Variants in CNTNAP2 observed in about 807,000 individuals in gnomAD.
CNTNAP2 encodes the protein contactin associated protein 2, also known as contactin-associated protein-like 2.
Under a neutral mutation model 155.2 loss-of-function variants are expected in CNTNAP2, and 98 were observed. The observed-to-expected ratio is 0.63, with a 90% CI of 0.54 to 0.75. CNTNAP2 has a LOEUF of 0.75. Ranked by LOEUF, CNTNAP2 falls within the 30% of genes least tolerant of loss-of-function variation. The pLI, the probability that CNTNAP2 is intolerant of heterozygous loss-of-function variation, is 0.00. For missense variants in CNTNAP2, 1,727 were observed against 1,688.1 expected (o/e 1.02, Z -0.40); for synonymous variants, 651 against 631.2 (o/e 1.03, Z -0.47).
At chr7:146,465,724 G>A (rs1796707521) in intron 1 of CNTNAP2, among the ~76,000 whole-genome samples, 1 of 152,146 alleles carries the variant, frequency 6.6e-6, no homozygotes, top group South Asian at 2.1e-4. Flanking sequence ...CAGAGTACTA[G>A]AGATTGATAC....
chr7:146,652,547 C>G (rs905493936), intron 1 of CNTNAP2, among the ~76,000 whole-genome samples: 4 of 152,076 alleles, frequency 2.6e-5, no homozygotes, highest in African/African-American at 9.7e-5. Context: ...ACCCCTTTAA[C>G]AATCTTTTTA....
At chr7:146,404,304 G>A (rs1795759421) in intron 1 of CNTNAP2, among the ~76,000 whole-genome samples, 1 of 152,260 alleles carries the variant, frequency 6.6e-6, no homozygotes, top group Admixed American at 6.5e-5. Flanking sequence ...AGAGAAGCCA[G>A]TAGCAGATGG....
Position 148,267,163 on chromosome 7 carries a change from C to T in CNTNAP2, c.3475+37C>T, listed in dbSNP as rs77190226. 860 of 1,530,410 alleles carry T rather than the reference C, an allele frequency of 5.6e-4. 12 individuals carry two copies. In the East Asian group the frequency reaches 0.018, roughly 32 times the overall value. 94.8% of individuals were successfully genotyped at this position (1,530,410 alleles called of 1,614,324 possible). A position where few individuals can be genotyped will look rare whatever the true frequency, so the allele number is the denominator to read the frequency against. ...GTTCGTTAGGTATAAATGCGTGCTA[C>T]AAATACATTTGGGTAATGTGAGTTT... On this transcript the variant is annotated intron_variant, in intron 21 of 23. Transcript: ENST00000361727.
chr7:147,190,529 A>G (rs559564595), intron 8 of CNTNAP2, among the ~76,000 whole-genome samples: 1 of 152,200 alleles, frequency 6.6e-6, no homozygotes, highest in South Asian at 2.1e-4. Flanking sequence ...TCTTTGGGTC[A>G]TTGTCACACA....
At chr7:147,679,062 A>G (rs1563050331) in intron 13 of CNTNAP2, among the ~76,000 whole-genome samples, 1 of 151,980 alleles carries the variant, frequency 6.6e-6, no homozygotes, top group Admixed American at 6.6e-5. Flanking sequence ...AATCTGTGGT[A>G]TGTTTATTGT....
At chr7:148,020,295 C>A (rs879889409) in intron 15 of CNTNAP2, among the ~76,000 whole-genome samples, 1 of 152,190 alleles carries the variant, frequency 6.6e-6, no homozygotes, top group African/African-American at 2.4e-5. Flanking sequence ...AAAGTTTTAT[C>A]TTCTATACTG....
At chr7:147,552,720 C>T (rs1027012698) in intron 11 of CNTNAP2, among the ~76,000 whole-genome samples, 3 of 152,108 alleles carry the variant, frequency 2.0e-5, no homozygotes, top group African/African-American at 7.2e-5. Flanking sequence ...ACGCCTTCTT[C>T]CTCCATAATA....
At chr7:147,721,092 G>A (rs1796560305) in intron 13 of CNTNAP2, among the ~76,000 whole-genome samples, 1 of 152,072 alleles carries the variant, frequency 6.6e-6, no homozygotes, top group South Asian at 2.1e-4. Context: ...ATACACCTAA[G>A]ACATAGTGTC....
chr7:147,272,095 G>A (rs1804765700), intron 8 of CNTNAP2, among the ~76,000 whole-genome samples: 1 of 152,106 alleles, frequency 6.6e-6, no homozygotes, highest in African/African-American at 2.4e-5. Flanking sequence ...GTCTCACCAT[G>A]TTGGCCAGGC....
chr7:146,152,475 C>A (rs1798066638), intron 1 of CNTNAP2, among the ~76,000 whole-genome samples: 1 of 151,954 alleles, frequency 6.6e-6, no homozygotes, highest in South Asian at 2.1e-4. Context: ...CTATAGTTAA[C>A]AATATATTGC....
intron 21 of CNTNAP2, among the ~76,000 whole-genome samples, chr7:148,284,220 T>C (rs1034806031): frequency 6.7e-6 from 1 of 149,578 alleles, no homozygotes; most frequent in Non-Finnish European, 1.5e-5. Context: ...GCTCCCATAA[T>C]TCCCACTTGT....
chr7:147,980,395 T>C (rs977530971), intron 15 of CNTNAP2, among the ~76,000 whole-genome samples: 2 of 152,230 alleles, frequency 1.3e-5, no homozygotes, highest in African/African-American at 4.8e-5. Context: ...CATTACATGA[T>C]CTCAGTATAC....
At chr7:146,809,811 T>A (rs925241593) in intron 2 of CNTNAP2, among the ~76,000 whole-genome samples, 1 of 152,194 alleles carries the variant, frequency 6.6e-6, no homozygotes, top group Non-Finnish European at 1.5e-5. Flanking sequence ...CCTTTTCATT[T>A]TGTTGATTGT....
intron 1 of CNTNAP2, among the ~76,000 whole-genome samples, chr7:146,345,543 T>A (rs1794807214): frequency 1.3e-5 from 2 of 152,014 alleles, no homozygotes; most frequent in East Asian, 1.9e-4. Context: ...AAACACACAC[T>A]CTCTCTCTCA....
intron 2 of CNTNAP2, among the ~76,000 whole-genome samples, chr7:146,779,257 G>A (rs570026470): frequency 1.3e-5 from 2 of 152,174 alleles, no homozygotes; most frequent in African/African-American, 4.8e-5. Context: ...AGTTACTAAA[G>A]GACTTTTGGT....
intron 14 of CNTNAP2, among the ~76,000 whole-genome samples, chr7:147,947,394 G>C (rs372573160): frequency 8.8e-5 from 13 of 147,276 alleles, no homozygotes; most frequent in East Asian, 2.0e-4. Context: ...GAGGCGGGAG[G>C]ATTGCTTGAG....
At chr7:147,766,265 C>A (rs1233069114) in intron 13 of CNTNAP2, among the ~76,000 whole-genome samples, 1 of 152,074 alleles carries the variant, frequency 6.6e-6, no homozygotes, top group African/African-American at 2.4e-5. Flanking sequence ...AAAACTAAGA[C>A]AAATTTGGAA....
chr7:147,909,754 AT>A (rs1800027933), intron 14 of CNTNAP2, among the ~76,000 whole-genome samples: 2 of 152,176 alleles, frequency 1.3e-5, no homozygotes, highest in African/African-American at 4.8e-5. Flanking sequence ...CGAAAATGAA[AT>A]TATCAGGGAA....
chr7:146,603,448 C>G (rs1298227011), intron 1 of CNTNAP2, among the ~76,000 whole-genome samples: 3 of 150,328 alleles, frequency 2.0e-5, no homozygotes, highest in African/African-American at 7.3e-5. Flanking sequence ...GAAGAACATT[C>G]CATGCTCATG....
Sources: gnomAD v4.1 joint callset for allele counts (sites outside exome capture counted in the v4.1 genomes callset) on GRCh38, gnomAD v4.1.1 for gene constraint, MANE v1.5 for transcripts, NCBI Gene and HGNC (gene_info 2026-07-23, HGNC 2026-07-21) for gene names.